ZMIZ2: variants seen among roughly 807,000 people sequenced by gnomAD.
ZMIZ2 encodes zinc finger MIZ domain-containing protein 2.
ZMIZ2 carries 26 observed loss-of-function variants against 93.9 expected under a neutral mutation model. The observed-to-expected ratio is 0.28, with a 90% CI of 0.20 to 0.38. The LOEUF (loss-of-function observed/expected upper bound fraction) is 0.38. Among genes scored for constraint, ZMIZ2 ranks in the 10% least tolerant of loss-of-function variants. The pLI, the probability that ZMIZ2 is intolerant of heterozygous loss-of-function variation, is 1.00. For synonymous variants in ZMIZ2, 485 were observed against 516.4 expected, an observed-to-expected ratio of 0.94 and a Z score of 0.82; for missense variants, 1,023 against 1,235.0, an observed-to-expected ratio of 0.83 and a Z score of 2.57.
In ZMIZ2 at chr7:44,765,906, G is replaced by A. The variant is rs895391250; in HGVS notation, c.2243-258G>A. The A allele has an allele frequency of 7.3e-5, 101 of 1,386,402 alleles. No homozygotes were observed. Among genetic ancestry groups the A allele is most frequent in the Non-Finnish European group, 8.7e-5 (93 of 1,072,032 alleles). The allele number at this position is 1,386,402 out of a possible 1,614,324, so 85.9% of individuals were successfully genotyped here. A position where few individuals can be genotyped will look rare whatever the true frequency, so the allele number is the denominator to read the frequency against. On this transcript the variant is annotated intron_variant, in intron 16 of 18. Coordinates refer to ENST00000309315, the MANE Select transcript of ZMIZ2 (RefSeq NM_031449.4). The surrounding 1 kb of genome is among the most constrained non-coding windows in gnomAD (Gnocchi z 4.1). ...CCCCCCTCTGGGACCCACCTCACAC[G>A]CGTGGTGCGTTTGTTTGTGGCTGCT...
Position 44,761,920 on chromosome 7 carries a change from C to G in ZMIZ2, c.1596+15C>G. The G allele has an allele frequency of 1.2e-6, 2 of 1,601,376 alleles. No homozygotes were observed. Among genetic ancestry groups the G allele is most frequent in the East Asian group, 4.5e-5 (2 of 44,428 alleles). On this transcript the variant is annotated intron_variant, in intron 11 of 18. Coordinates refer to ENST00000309315, the MANE Select transcript of ZMIZ2 (RefSeq NM_031449.4). The surrounding 1 kb of genome is among the most constrained non-coding windows in gnomAD (Gnocchi z 5.8). Reference sequence around the variant, plus strand: ...CCTGCTGCTGCGTGCGTGTCCTGCGCCGAGGGGGCGGTGCTGTGGCGTGGG... The same window carrying G: ...CCTGCTGCTGCGTGCGTGTCCTGCGGCGAGGGGGCGGTGCTGTGGCGTGGG...
In ZMIZ2 at chr7:44,761,921, C is replaced by T. The variant is rs531838108; in HGVS notation, c.1596+16C>T. On this transcript the variant is annotated intron_variant, in intron 11 of 18. Transcript: ENST00000309315. The surrounding 1 kb of genome is among the most constrained non-coding windows in gnomAD (Gnocchi z 5.8). ...CTGCTGCTGCGTGCGTGTCCTGCGCCGAGGGGGCGGTGCTGTGGCGTGGGG... is the reference window on the plus strand; with the variant it reads ...CTGCTGCTGCGTGCGTGTCCTGCGCTGAGGGGGCGGTGCTGTGGCGTGGGG... 4.9e-6 allele frequency: 7 copies of T among 1,428,348 alleles called. No individual in the cohort carries two copies. The highest frequency in any genetic ancestry group is 3.5e-5 in the East Asian group (1 of 28,678). 88.5% of individuals were successfully genotyped at this position (1,428,348 alleles called of 1,614,324 possible). A position where few individuals can be genotyped will look rare whatever the true frequency, so the allele number is the denominator to read the frequency against.
chr7:44,767,554 C>T lies in ZMIZ2; in HGVS notation c.2694C>T (p.Ser898=), dbSNP rs761973377. ...PELTNPDELL[S]YLGPPDLPTN... is the part of the protein sequence containing the mutation. ...TGACCAACCCTGATGAGCTACTGTC[C>T]TACTTGGGCCCACCCGACCTCCCTA... The change falls in exon 19 of 19, where the codon TCC becomes TCT. Residue 898 remains serine, a synonymous_variant. Coordinates refer to ENST00000309315, the MANE Select transcript of ZMIZ2 (RefSeq NM_031449.4). The T allele has an allele frequency of 6.2e-7, 1 of 1,614,132 alleles. No homozygotes were observed. Among genetic ancestry groups the T allele is most frequent in the South Asian group, 1.1e-5 (1 of 91,084 alleles).
rs1791990151 is a variant in ZMIZ2 at position 44,769,426 on chromosome 7, T to G, written c.*1803T>G. The G allele has an allele frequency of 6.5e-6, 1 of 152,756 alleles. No homozygotes were observed. The highest frequency in any genetic ancestry group is 1.9e-4 in the East Asian group (1 of 5,194). The allele number at this position is 152,756 out of a possible 1,614,324, so 9.5% of individuals were successfully genotyped here. A position where few individuals can be genotyped will look rare whatever the true frequency, so the allele number is the denominator to read the frequency against. On this transcript the variant is annotated 3_prime_UTR_variant, in exon 19 of 19. Transcript: ENST00000309315. ...TTTGGGACCACACAGGTGGGCTTCC[T>G]TATTCCCTGACAAAGCCTCTGTTTC...
At chr7:44,758,834 A>G (rs1488198387) in intron 6 of ZMIZ2, among the ~76,000 whole-genome samples, 1 of 151,456 alleles carries the variant, frequency 6.6e-6, no homozygotes, top group Non-Finnish European at 1.5e-5. Flanking sequence ...GAATTGCTTG[A>G]ACCCAGCAGG....
At chr7:44,760,722 G>A (rs928154880) in intron 9 of ZMIZ2, 129 bp downstream of exon 9, 3 of 1,218,294 alleles carry the variant, frequency 2.5e-6, no homozygotes, top group Admixed American at 2.4e-5. Flanking sequence ...TAAGAAAAGG[G>A]CTGGGTGTGG....
chr7:44,763,471 G>A lies in ZMIZ2; in HGVS notation c.1860+58G>A, dbSNP rs146006262. 6.1e-4 allele frequency: 973 copies of A among 1,599,094 alleles called. 7 individuals carry two copies. The South Asian group carries it at 9.5e-3, about 16-fold the overall frequency. Reference sequence around the variant, plus strand: ...TGCTGCTGCTAAAATATCTTGAGTCGATACATCAGTGTCATTCTCTGGACA... The same window carrying A: ...TGCTGCTGCTAAAATATCTTGAGTCAATACATCAGTGTCATTCTCTGGACA... On this transcript the variant is annotated intron_variant, in intron 13 of 18. Coordinates refer to ENST00000309315, the MANE Select transcript of ZMIZ2 (RefSeq NM_031449.4). This position sits in a 1 kb window ranked among gnomAD's most constrained non-coding sequence, Gnocchi z 5.6.
Position 44,765,227 on chromosome 7 carries a change from A to G in ZMIZ2, c.1998-108A>G, listed in dbSNP as rs1562746540. 6.4e-7 allele frequency: 1 copy of G among 1,559,460 alleles called. No homozygotes were observed. The highest frequency in any genetic ancestry group is 8.7e-7 in the Non-Finnish European group (1 of 1,153,330). The stretch of plus-strand genomic sequence containing the variant: ...TGGAAGGTGCTGGGTGGAAGCAAGC[A>G]TTTGAGTGGGGGAACCTGCCTGGAA... On this transcript the variant is annotated intron_variant, in intron 15 of 18. Coordinates refer to ENST00000309315, the MANE Select transcript of ZMIZ2 (RefSeq NM_031449.4). This position sits in a 1 kb window ranked among gnomAD's most constrained non-coding sequence, Gnocchi z 4.1.
intron 9 of ZMIZ2, among the ~76,000 whole-genome samples, chr7:44,760,886 T>G (rs1455014589): frequency 6.6e-6 from 1 of 152,000 alleles, no homozygotes; most frequent in East Asian, 1.9e-4. Flanking sequence ...TTCCATCTTC[T>G]TAAAGACAAG....
At position 44,749,385 on chromosome 7, in the gene ZMIZ2, C is replaced by T. The variant is rs546257080; in HGVS notation, c.-63+394C>T. Among the ~76,000 whole-genome samples, 48 of 152,282 alleles carry T rather than the reference C, an allele frequency of 3.2e-4. No homozygotes were observed. The South Asian group carries it at 9.3e-3, about 30-fold the overall frequency. On this transcript the variant is annotated intron_variant, in intron 1 of 18. Transcript: ENST00000309315. Reference sequence around the variant, plus strand: ...ACCTGATCGTTCCTAGCTTTGGGGCCAGGCAGTCTCACCTACATGGTACGC... The same window carrying T: ...ACCTGATCGTTCCTAGCTTTGGGGCTAGGCAGTCTCACCTACATGGTACGC...
chr7:44,749,052 G>A (rs1214689637), intron 1 of ZMIZ2, 61 bp downstream of exon 1: 2 of 152,642 alleles, frequency 1.3e-5, no homozygotes, highest in African/African-American at 4.8e-5. Flanking sequence ...GTGGGCCGGC[G>A]GGGGCAGGCA....
rs748571202 is a variant in ZMIZ2, at chr7:44,756,227, G to T, written c.-23G>T. On this transcript the variant is annotated 5_prime_UTR_variant, in exon 2 of 19. Coordinates refer to ENST00000309315, the MANE Select transcript of ZMIZ2 (RefSeq NM_031449.4). ...TTCCAGATAAAAACTGTCAGACCCG[G>T]CCTGTAGGCTGCTCCATTGCCAATG... The T allele has an allele frequency of 6.2e-7, 1 of 1,613,996 alleles. No homozygotes were observed. Among genetic ancestry groups the T allele is most frequent in the Non-Finnish European group, 8.5e-7 (1 of 1,180,002 alleles).
At chr7:44,759,588 A>T in intron 7 of ZMIZ2, 128 bp downstream of exon 7, 1 of 401,962 alleles carries the variant, frequency 2.5e-6, no homozygotes, top group Non-Finnish European at 3.4e-6. Flanking sequence ...GTGTAGGTCC[A>T]TGTGTGCTCA....
chr7:44,753,670 A>G (rs2116645130), intron 1 of ZMIZ2, among the ~76,000 whole-genome samples: 1 of 152,292 alleles, frequency 6.6e-6, no homozygotes, highest in South Asian at 2.1e-4. Context: ...AAAAATTTTA[A>G]TTTTGATGAA....
In ZMIZ2 at chr7:44,762,902, C is replaced by T; in HGVS notation, c.1618C>T (p.Leu540=). 1 of 1,611,880 alleles carries T rather than the reference C, an allele frequency of 6.2e-7. No individual in the cohort carries two copies. The highest frequency in any genetic ancestry group is 8.5e-7 in the Non-Finnish European group (1 of 1,178,390). ...GCAGTCCCACCTCTTCGTGCTGCAG[C>T]TAGTGCACCGCCCATCCGTCCGCTC... ...CCCSHLFVLQ[L]VHRPSVRSVL... The change falls in exon 12 of 19, where the codon CTA becomes TTA. Residue 540 remains leucine, a synonymous_variant. Transcript: ENST00000309315.
At chr7:44,752,727 G>A (rs56230523) in intron 1 of ZMIZ2, among the ~76,000 whole-genome samples, 1 of 152,172 alleles carries the variant, frequency 6.6e-6, no homozygotes, top group African/African-American at 2.4e-5. Flanking sequence ...GGCTATGGAT[G>A]TACCACCGTT....
chr7:44,765,891 G>A lies in ZMIZ2; in HGVS notation c.2243-273G>A. ...TGGCCCCATCTGGGGCCCCCCTCTG[G>A]GACCCACCTCACACGCGTGGTGCGT... On this transcript the variant is annotated intron_variant, in intron 16 of 18. Coordinates refer to ENST00000309315, the MANE Select transcript of ZMIZ2 (RefSeq NM_031449.4). This position sits in a 1 kb window ranked among gnomAD's most constrained non-coding sequence, Gnocchi z 4.1. 1 of 1,375,358 alleles carries A rather than the reference G, an allele frequency of 7.3e-7. No homozygotes were observed. Among genetic ancestry groups the A allele is most frequent in the Non-Finnish European group, 9.4e-7 (1 of 1,061,832 alleles). The allele number at this position is 1,375,358 out of a possible 1,614,324, so 85.2% of individuals were successfully genotyped here.
intron 4 of ZMIZ2, 43 bp from the exon 5 acceptor site, chr7:44,757,335 A>G: frequency 3.2e-6 from 5 of 1,584,182 alleles, no homozygotes; most frequent in Non-Finnish European, 4.3e-6. Context: ...CCTGGCCCTC[A>G]TGAGCCCACG....
rs1346839355 is a variant in ZMIZ2 at position 44,768,484 on chromosome 7, G to A, written c.*861G>A. ...ATTCTCTAGCGGGCTGCGCTCCCAA[G>A]TTCCCCTTCTCTGTGAAAGTGAAGA... On this transcript the variant is annotated 3_prime_UTR_variant, in exon 19 of 19. Coordinates refer to ENST00000309315, the MANE Select transcript of ZMIZ2 (RefSeq NM_031449.4). The A allele has an allele frequency of 6.6e-6, 1 of 152,288 alleles. No individual in the cohort carries two copies. Among genetic ancestry groups the A allele is most frequent in the East Asian group, 1.9e-4 (1 of 5,190 alleles). 9.4% of individuals were successfully genotyped at this position (152,288 alleles called of 1,614,324 possible). A position where few individuals can be genotyped will look rare whatever the true frequency, so the allele number is the denominator to read the frequency against.
Sources: allele counts gnomAD v4.1 joint callset (sites outside exome capture counted in the v4.1 genomes callset), GRCh38; gene constraint gnomAD v4.1.1; non-coding constraint Gnocchi (gnomAD v3.1); transcripts MANE v1.5; gene names NCBI Gene and HGNC (gene_info 2026-07-23, HGNC 2026-07-21).